The following CELF2 variants were observed in gnomAD, a reference collection of about 807,000 sequenced individuals.
CELF2 encodes the protein CUG triplet repeat RNA-binding protein 2.
A neutral mutation model predicts 62.6 loss-of-function variants in CELF2; 8 were observed. The ratio of observed to expected loss-of-function variants is 0.13; its 90% CI spans 0.07 to 0.23. The LOEUF is 0.23. CELF2 is among the 10% of genes least tolerant of loss of function. The probability of loss-of-function intolerance (pLI) is 1.00; values close to 1 mark genes in which losing one functional copy is unlikely to be tolerated. For missense variants in CELF2, 333 were observed against 671.0 expected, an observed-to-expected ratio of 0.50 and a Z score of 5.56; for synonymous variants, 258 against 250.0, an observed-to-expected ratio of 1.03 and a Z score of -0.30.
chr10:11,184,945 T>C (rs576555066), intron 2 of CELF2, among the ~76,000 whole-genome samples: 15 of 152,232 alleles, frequency 9.9e-5, no homozygotes, highest in Admixed American at 2.0e-4. Context: ...CAGACATTAT[T>C]ATCATGTTCT....
the CELF2 span, among the ~76,000 whole-genome samples, chr10:10,724,564 G>A: frequency 1.3e-5 from 2 of 149,730 alleles, no homozygotes; most frequent in Non-Finnish European, 3.0e-5. Flanking sequence ...GCTGAGACAG[G>A]AGAACCGCTT....
chr10:10,892,232 A>G (rs537949873), intron 1 of CELF2, among the ~76,000 whole-genome samples: 1 of 152,266 alleles, frequency 6.6e-6, no homozygotes, highest in Admixed American at 6.5e-5. Context: ...CAGCTTCTAG[A>G]CTATTTTCAG....
the CELF2 span, among the ~76,000 whole-genome samples, chr10:10,676,135 A>C: frequency 6.6e-6 from 1 of 152,182 alleles, no homozygotes; most frequent in East Asian, 1.9e-4. Flanking sequence ...ATTAGGTCTC[A>C]GTCTTACAGT....
At chr10:10,672,548 A>G in the CELF2 span, among the ~76,000 whole-genome samples, 1 of 151,732 alleles carries the variant, frequency 6.6e-6, no homozygotes, top group Non-Finnish European at 1.5e-5. Context: ...ATTTGTTAAA[A>G]ATATTATGTC....
chr10:11,096,345 G>C (rs972964883), intron 1 of CELF2: 1 of 152,194 alleles, frequency 6.6e-6, no homozygotes, highest in Non-Finnish European at 1.5e-5. Context: ...AAGGGAGTCC[G>C]TCGTTTTCCC....
intron 5 of CELF2, among the ~76,000 whole-genome samples, chr10:11,264,623 AG>A (rs2081638911): frequency 6.6e-6 from 1 of 152,252 alleles, no homozygotes. Flanking sequence ...ATGCTTCTGA[AG>A]AGATGTTACT....
chr10:10,570,376 C>A, the CELF2 span, among the ~76,000 whole-genome samples: 1 of 152,162 alleles, frequency 6.6e-6, no homozygotes, highest in Non-Finnish European at 1.5e-5. Context: ...TCAAGATGAA[C>A]TTAACAACCA....
chr10:10,692,592 C>G, the CELF2 span, among the ~76,000 whole-genome samples: 392 of 108,582 alleles, frequency 3.6e-3, no homozygotes, highest in South Asian at 7.5e-3. Context: ...CTGTAAATTA[C>G]CTTGGGCAGT....
At chr10:10,678,825 G>T in the CELF2 span, among the ~76,000 whole-genome samples, 3 of 152,210 alleles carry the variant, frequency 2.0e-5, no homozygotes, top group African/African-American at 4.8e-5. Context: ...ATCTACTGGG[G>T]ATCTGAGCTT....
At chr10:10,696,262 G>A in the CELF2 span, among the ~76,000 whole-genome samples, 35 of 151,968 alleles carry the variant, frequency 2.3e-4, 1 homozygote, top group South Asian at 8.4e-4. Flanking sequence ...GTACCCTGCC[G>A]TGTGAGGTGT....
At chr10:11,053,308 G>A (rs2064331205) in intron 1 of CELF2, among the ~76,000 whole-genome samples, 1 of 152,144 alleles carries the variant, frequency 6.6e-6, no homozygotes, top group Non-Finnish European at 1.5e-5. Context: ...CTTCAGTGAA[G>A]TAGACAGAAT....
At chr10:10,643,913 A>G in the CELF2 span, among the ~76,000 whole-genome samples, 1 of 152,210 alleles carries the variant, frequency 6.6e-6, no homozygotes, top group East Asian at 1.9e-4. Context: ...ATCGTAACCC[A>G]TTAAATTAGT....
At chr10:11,245,750 G>A (rs1354195370) in intron 3 of CELF2, among the ~76,000 whole-genome samples, 1 of 152,240 alleles carries the variant, frequency 6.6e-6, no homozygotes, top group East Asian at 1.9e-4. Flanking sequence ...GAGTTGGGGG[G>A]AAGGGAAGAT....
At chr10:11,166,264 G>A (rs2067148505) in intron 2 of CELF2, among the ~76,000 whole-genome samples, 1 of 152,194 alleles carries the variant, frequency 6.6e-6, no homozygotes, top group African/African-American at 2.4e-5. Context: ...CAGCACCCTA[G>A]TGGCCTGACA....
At chr10:11,183,553 C>G (rs1175870459) in intron 2 of CELF2, among the ~76,000 whole-genome samples, 1 of 152,202 alleles carries the variant, frequency 6.6e-6, no homozygotes, top group Non-Finnish European at 1.5e-5. Context: ...ATTTTACATT[C>G]CTACCAGCAA....
chr10:10,684,488 A>T, the CELF2 span, among the ~76,000 whole-genome samples: 1 of 152,166 alleles, frequency 6.6e-6, no homozygotes, highest in Non-Finnish European at 1.5e-5. Context: ...CACGCCTGTA[A>T]TCCCAGGACT....
Position 11,319,730 on chromosome 10 carries a change from A to G in CELF2, c.1097-1459A>G. ...GGTGTCTGTTCTGAGAAGCACAGGA[A>G]TACCCGAGGTGAGGCACAATGACAG... On this transcript the variant is annotated intron_variant, in intron 10 of 12. Transcript: ENST00000633077. This position sits in a 1 kb window ranked among gnomAD's most constrained non-coding sequence, Gnocchi z 4.4. 1 of 469,714 alleles carries G rather than the reference A, an allele frequency of 2.1e-6. No homozygotes were observed. Among genetic ancestry groups the G allele is most frequent in the Non-Finnish European group, 4.4e-6 (1 of 226,210 alleles). The allele number at this position is 469,714 out of a possible 1,614,324, so 29.1% of individuals were successfully genotyped here. A position where few individuals can be genotyped will look rare whatever the true frequency, so the allele number is the denominator to read the frequency against.
the CELF2 span, among the ~76,000 whole-genome samples, chr10:10,770,412 G>C: frequency 2.3e-3 from 351 of 152,130 alleles, 1 homozygote; most frequent in Admixed American, 3.1e-3. Context: ...GCTGAGGTCT[G>C]CTGGGGTGGA....
chr10:10,527,207 C>G, the CELF2 span, among the ~76,000 whole-genome samples: 5 of 152,014 alleles, frequency 3.3e-5, no homozygotes, highest in Admixed American at 2.0e-4. Flanking sequence ...TTTGGGAGGC[C>G]GAGGCGGGTG....
Sources: gnomAD v4.1 joint callset for allele counts (sites outside exome capture counted in the v4.1 genomes callset) on GRCh38, gnomAD v4.1.1 for gene constraint, Gnocchi (gnomAD v3.1) non-coding constraint, MANE v1.5 for transcripts, NCBI Gene and HGNC (gene_info 2026-07-23, HGNC 2026-07-21) for gene names.